Variants in LSR observed in about 807,000 individuals in gnomAD.
LSR encodes the protein lipolysis-stimulated lipoprotein receptor.
LSR carries 44 observed loss-of-function variants against 61.8 expected under a neutral mutation model. The ratio of observed to expected loss-of-function variants is 0.71; its 90% CI spans 0.56 to 0.91. The LOEUF is 0.91. Among genes scored for constraint, LSR ranks in the 40% least tolerant of loss-of-function variants. LSR has a pLI of 0.00. For synonymous variants in LSR, 397 were observed against 350.6 expected, an observed-to-expected ratio of 1.13 and a Z score of -1.48; for missense variants, 911 against 830.5, an observed-to-expected ratio of 1.10 and a Z score of -1.19.
At chr19:35,265,612 A>T (rs1022225824) in intron 5 of LSR, among the ~76,000 whole-genome samples, 3 of 150,896 alleles carry the variant, frequency 2.0e-5, no homozygotes, top group Non-Finnish European at 4.4e-5. Flanking sequence ...AGGGCCCAGG[A>T]ATTTTGCAAG....
chr19:35,263,418 C>T (rs1211364155), intron 5 of LSR, among the ~76,000 whole-genome samples: 3 of 152,084 alleles, frequency 2.0e-5, no homozygotes, highest in Non-Finnish European at 2.9e-5. Flanking sequence ...CAGTGCAGTG[C>T]GATCATAGCT....
chr19:35,261,743 C>T (rs1331228484), intron 3 of LSR, among the ~76,000 whole-genome samples, 182 bp from the exon 4 acceptor site: 1 of 152,188 alleles, frequency 6.6e-6, no homozygotes, highest in Non-Finnish European at 1.5e-5. Context: ...GAGTTTCTTA[C>T]CTATAAGCAC....
intron 5 of LSR, among the ~76,000 whole-genome samples, chr19:35,263,280 C>CA (rs529359103): frequency 0.028 from 3,231 of 116,644 alleles, 45 homozygotes; most frequent in Middle Eastern, 0.057. Context: ...GACTCTGTCT[C>CA]AAAAAAAAAA....
chr19:35,263,434 CA>C (rs1199997736), intron 5 of LSR, among the ~76,000 whole-genome samples: 4 of 152,164 alleles, frequency 2.6e-5, no homozygotes, highest in Non-Finnish European at 5.9e-5. Context: ...TAGCTCTCTG[CA>C]GCCTCAAACT....
chr19:35,257,385 C>T (rs1192023332), intron 2 of LSR, among the ~76,000 whole-genome samples: 2 of 152,172 alleles, frequency 1.3e-5, no homozygotes, highest in Admixed American at 1.3e-4. Context: ...GGCACGGTAG[C>T]TAGAGACCAC....
chr19:35,263,810 ATT>A (rs747857556), intron 5 of LSR, among the ~76,000 whole-genome samples: 10 of 144,214 alleles, frequency 6.9e-5, no homozygotes, highest in Non-Finnish European at 7.6e-5. Context: ...ACTTAAGCAA[ATT>A]TTTTTTTTTT....
rs979611793 is a variant in LSR at position 35,251,991 on chromosome 19, C to T, written c.454+1332C>T. 4.6e-5 allele frequency among the ~76,000 whole-genome samples: 7 copies of T among 150,630 alleles called. No homozygotes were observed. In the East Asian group the frequency reaches 5.9e-4, roughly 13 times the overall value. ...CTGGGACTACAGGCGCCCGCCACTACGCCCGGCTAATTTTTTGTATTTTTA... is the reference window on the plus strand; with the variant it reads ...CTGGGACTACAGGCGCCCGCCACTATGCCCGGCTAATTTTTTGTATTTTTA... On this transcript the variant is annotated intron_variant, in intron 2 of 9. Transcript: ENST00000605618.
chr19:35,265,863 A>G (rs1023335076), intron 5 of LSR, among the ~76,000 whole-genome samples: 2 of 152,128 alleles, frequency 1.3e-5, no homozygotes, highest in Non-Finnish European at 2.9e-5. Flanking sequence ...TTTCTAGAAC[A>G]GGGGCTTGGC....
chr19:35,267,300 G>C lies in LSR; in HGVS notation c.1336G>C (p.Val446Leu), dbSNP rs1204497711. The change falls in exon 9 of 10, where the codon GTG becomes CTG. Residue 446 changes from valine to leucine, a missense_variant. By Grantham distance (32) the Val-to-Leu change is conservative. Transcript: ENST00000605618. ...WRARRPRARSVDALDDLTPPS... is the reference protein window; with the variant it reads ...WRARRPRARSLDALDDLTPPS... Reference sequence around the variant, plus strand: ...GGCCAGGCGGCCCCGGGCCCGCTCCGTGGACGCCCTGGACGACCTCACCCC... The same window carrying C: ...GGCCAGGCGGCCCCGGGCCCGCTCCCTGGACGCCCTGGACGACCTCACCCC... 1 of 1,542,496 alleles carries C rather than the reference G, an allele frequency of 6.5e-7. No individual in the cohort carries two copies.
intron 2 of LSR, among the ~76,000 whole-genome samples, chr19:35,257,260 G>A (rs1404561829): frequency 1.3e-5 from 2 of 152,142 alleles, no homozygotes; most frequent in African/African-American, 4.8e-5. Flanking sequence ...AAGGATGGTC[G>A]GCCCCTAAGC....
At chr19:35,250,795 CTTTTTT>C (rs564341537) in intron 2 of LSR, 136 bp downstream of exon 2, 3 of 419,752 alleles carry the variant, frequency 7.1e-6, no homozygotes, top group Non-Finnish European at 1.2e-5. Context: ...GGGAGCAATT[CTTTTTT>C]TTTTTTTTTT....
At chr19:35,261,858 C>A in intron 3 of LSR, 67 bp from the exon 4 acceptor site, 1 of 1,180,602 alleles carries the variant, frequency 8.5e-7, no homozygotes, top group Non-Finnish European at 1.1e-6. Context: ...TGGAGCTGGG[C>A]TTTCGGGGGT....
chr19:35,258,654 G>T (rs1304606859), intron 2 of LSR, among the ~76,000 whole-genome samples: 1 of 151,606 alleles, frequency 6.6e-6, no homozygotes, highest in East Asian at 1.9e-4. Flanking sequence ...CACCATTACT[G>T]CTCTATACTG....
intron 1 of LSR, chr19:35,249,377 C>T (rs902468143): frequency 2.0e-6 from 1 of 509,860 alleles, no homozygotes; most frequent in South Asian, 2.9e-5. Flanking sequence ...CGGTGAGACC[C>T]GGAGCGGCAG....
At chr19:35,257,491 T>C (rs1407079359) in intron 2 of LSR, among the ~76,000 whole-genome samples, 1 of 152,204 alleles carries the variant, frequency 6.6e-6, no homozygotes, top group Non-Finnish European at 1.5e-5. Context: ...AGGATTTTTC[T>C]GTAGACATGA....
chr19:35,266,773 G>T (rs200817946), intron 7 of LSR, 35 bp downstream of exon 7: 9 of 1,609,390 alleles, frequency 5.6e-6, no homozygotes, highest in Non-Finnish European at 7.6e-6. Context: ...GGATGTGCCT[G>T]TAAGGGAGAG....
At chr19:35,262,136 T>C (rs1289540760) in intron 4 of LSR, among the ~76,000 whole-genome samples, 155 bp downstream of exon 4, 1 of 152,186 alleles carries the variant, frequency 6.6e-6, no homozygotes, top group African/African-American at 2.4e-5. Context: ...CATCTAGTGG[T>C]CTGGCGCTGG....
chr19:35,249,151 T>C lies in LSR; in HGVS notation c.109+20T>C. 6.6e-7 allele frequency: 1 copy of C among 1,518,614 alleles called. No homozygotes were observed. Among genetic ancestry groups the C allele is most frequent in the Non-Finnish European group, 8.8e-7 (1 of 1,139,190 alleles). The allele number at this position is 1,518,614 out of a possible 1,614,324, so 94.1% of individuals were successfully genotyped here. ...GCACAGGTACGGGGCACGGGGCCTCTGACGCTGCGGAACGCCGGAGGGAAC... is the reference window on the plus strand; with the variant it reads ...GCACAGGTACGGGGCACGGGGCCTCCGACGCTGCGGAACGCCGGAGGGAAC... On this transcript the variant is annotated intron_variant, in intron 1 of 9. Coordinates refer to ENST00000605618, the MANE Select transcript of LSR (RefSeq NM_205834.4).
chr19:35,252,108 A>G (rs8111210), intron 2 of LSR, among the ~76,000 whole-genome samples: 8,633 of 151,582 alleles, frequency 0.057, 833 homozygotes, highest in African/African-American at 0.2. Context: ...TGCTGGGATT[A>G]CAGGCGTGAG....
Sources: allele counts gnomAD v4.1 joint callset (sites outside exome capture counted in the v4.1 genomes callset), GRCh38; gene constraint gnomAD v4.1.1; transcripts MANE v1.5; gene names NCBI Gene and HGNC (gene_info 2026-07-23, HGNC 2026-07-21).